The following TP73 variants were observed in gnomAD, a reference collection of about 807,000 sequenced individuals.
The protein encoded by TP73 is p53-like transcription factor.
A neutral mutation model predicts 62.5 loss-of-function variants in TP73; 25 were observed. The ratio of observed to expected loss-of-function variants is 0.40; its 90% confidence interval spans 0.29 to 0.56. TP73 has a LOEUF of 0.56. Among genes scored for constraint, TP73 ranks in the 20% least tolerant of loss-of-function variants. The pLI is 0.46. For missense variants in TP73, 754 were observed against 913.3 expected, an observed-to-expected ratio of 0.83 and a Z score of 2.25; for synonymous variants, 423 against 377.5, an observed-to-expected ratio of 1.12 and a Z score of -1.40.
chr1:3,682,403 C>A lies in TP73; in HGVS notation c.38C>A (p.Thr13Asn), dbSNP rs1413658294. The A allele has an allele frequency of 6.4e-7, 1 of 1,565,384 alleles. No homozygotes were observed. Among genetic ancestry groups the A allele is most frequent in the Non-Finnish European group, 8.7e-7 (1 of 1,152,534 alleles). The change falls in exon 2 of 14, where the codon ACC (threonine) becomes AAC (asparagine). Residue 13 changes from threonine (T) to asparagine (N), a missense_variant. Physicochemically the swap from Thr to Asn is moderately conservative, Grantham distance 65. Around this residue, in one of 3 missense-constraint regions of TP73, gnomAD observed 235 missense variants for 251.4 expected, o/e 0.93. Transcript: ENST00000378295. ...ACCGCCACCTCCCCTGATGGGGGCA[C>A]CACGTTTGAGCACCTCTGGAGCTCT... ...QSTATSPDGG[T>N]TFEHLWSSLE...
chr1:3,701,922 C>T lies in TP73; in HGVS notation c.187-5627C>T, dbSNP rs2124350797. On this transcript the variant is annotated intron_variant, in intron 3 of 13. Transcript: ENST00000378295. The surrounding 1 kb of genome is among the most constrained non-coding windows in gnomAD (Gnocchi z 4.7). Reference sequence around the variant, plus strand: ...TGAGACTTGGCCCCAGGACTCCTGACCTCAGAGCCCTGCTTGGCCCCCCAG... The same window carrying T: ...TGAGACTTGGCCCCAGGACTCCTGATCTCAGAGCCCTGCTTGGCCCCCCAG... Among the ~76,000 whole-genome samples, 1 of 152,314 alleles carries T rather than the reference C, an allele frequency of 6.6e-6. No individual in the cohort carries two copies. Among genetic ancestry groups the T allele is most frequent in the Middle Eastern group, 3.4e-3 (1 of 294 alleles).
chr1:3,721,874 T>G (rs1351610700), intron 4 of TP73, 147 bp from the exon 5 acceptor site: 4 of 802,906 alleles, frequency 5.0e-6, no homozygotes, highest in Non-Finnish European at 7.7e-6. Flanking sequence ...CTGGAGGGAT[T>G]CAGCAGAGGG....
intron 3 of TP73, among the ~76,000 whole-genome samples, chr1:3,707,250 TC>T (rs1359260946): frequency 1.3e-5 from 2 of 152,012 alleles, no homozygotes; most frequent in Non-Finnish European, 2.9e-5. Flanking sequence ...CCTGGGAGCC[TC>T]CCCCACCCGA....
chr1:3,732,776 G>A lies in TP73; in HGVS notation c.1608G>A (p.Gln536=), dbSNP rs981647907. The A allele has an allele frequency of 4.4e-6, 7 of 1,596,544 alleles. No homozygotes were observed. In the African/African-American group the frequency reaches 8.0e-5, roughly 18 times the overall value. Residue 536 remains glutamine (Q), a synonymous_variant, in exon 14 of 14, where the codon CAG becomes CAA. Coordinates refer to ENST00000378295, the MANE Select transcript of TP73 (RefSeq NM_005427.4). ...TGGGGGCCCTGAAGATCCCCGAGCA[G>A]TACCGCATGACCATCTGGCGGGGCC... ...EDLGALKIPE[Q]YRMTIWRGLQ...
chr1:3,718,129 C>T (rs1023122566), intron 4 of TP73, among the ~76,000 whole-genome samples: 1 of 152,214 alleles, frequency 6.6e-6, no homozygotes, highest in Non-Finnish European at 1.5e-5. Context: ...CCAGTCCGAG[C>T]CCCCACTTCC....
intron 4 of TP73, among the ~76,000 whole-genome samples, chr1:3,717,857 G>A (rs571523957): frequency 6.6e-6 from 1 of 152,348 alleles, no homozygotes; most frequent in East Asian, 1.9e-4. Context: ...CTCCGGCCCG[G>A]CTGGGCACCT....
intron 3 of TP73, among the ~76,000 whole-genome samples, chr1:3,695,509 G>A (rs943221979): frequency 1.3e-5 from 2 of 152,204 alleles, no homozygotes; most frequent in Admixed American, 6.5e-5. Flanking sequence ...CATGCGTTGC[G>A]GGAACGTGGC....
chr1:3,707,894 T>C (rs1639806951), intron 4 of TP73, 103 bp downstream of exon 4: 1 of 1,480,994 alleles, frequency 6.8e-7, no homozygotes, highest in Non-Finnish European at 9.0e-7. Flanking sequence ...CGCCCCACTG[T>C]CTGCTCGGGG....
chr1:3,726,624 G>A (rs1641643723), intron 6 of TP73, among the ~76,000 whole-genome samples: 1 of 145,206 alleles, frequency 6.9e-6, no homozygotes, highest in African/African-American at 2.6e-5. Context: ...GGATAGACGG[G>A]TGGGTGGATG....
intron 3 of TP73, among the ~76,000 whole-genome samples, chr1:3,688,705 G>A (rs1344942133): frequency 6.6e-6 from 1 of 152,236 alleles, no homozygotes; most frequent in African/African-American, 2.4e-5. Context: ...CTGGGGCAGA[G>A]GCCAGTGGTT....
intron 4 of TP73, among the ~76,000 whole-genome samples, chr1:3,721,626 G>A (rs750204551): frequency 2.6e-5 from 4 of 152,218 alleles, no homozygotes; most frequent in Admixed American, 6.5e-5. Flanking sequence ...TCAAAATGCC[G>A]CAGTCAGGGA....
rs542407265 is a variant in TP73 at position 3,733,087 on chromosome 1, G to A, written c.*8G>A. The A allele has an allele frequency of 1.1e-4, 162 of 1,524,702 alleles. No individual in the cohort carries two copies. The South Asian group carries it at 1.5e-3, about 14-fold the overall frequency. 94.4% of individuals were successfully genotyped at this position (1,524,702 alleles called of 1,614,324 possible). A position where few individuals can be genotyped will look rare whatever the true frequency, so the allele number is the denominator to read the frequency against. ...GAGGCCGAGATCCACTGAGGGCCTCGCCTGGCTGCAGCCTGCGCCACCGCC... is the reference window on the plus strand; with the variant it reads ...GAGGCCGAGATCCACTGAGGGCCTCACCTGGCTGCAGCCTGCGCCACCGCC... On this transcript the variant is annotated 3_prime_UTR_variant, in exon 14 of 14. Transcript: ENST00000378295.
chr1:3,731,958 G>A (rs1451843274), intron 13 of TP73, among the ~76,000 whole-genome samples: 2 of 152,258 alleles, frequency 1.3e-5, no homozygotes. Flanking sequence ...ACCTAGGGAA[G>A]GCAAGCACCT....
chr1:3,680,511 A>T (rs1645494796), intron 1 of TP73, among the ~76,000 whole-genome samples: 1 of 152,072 alleles, frequency 6.6e-6, no homozygotes, highest in Admixed American at 6.5e-5. Context: ...ATCTAAGGGA[A>T]TTTCTTTCCT....
chr1:3,665,348 C>G (rs1645087199), intron 1 of TP73, among the ~76,000 whole-genome samples: 1 of 152,092 alleles, frequency 6.6e-6, no homozygotes, highest in African/African-American at 2.4e-5. Context: ...TATTGGTAAA[C>G]AGGATGCTAA....
chr1:3,676,088 G>A (rs1471180048), intron 1 of TP73, among the ~76,000 whole-genome samples: 1 of 150,384 alleles, frequency 6.6e-6, no homozygotes, highest in Non-Finnish European at 1.5e-5. Flanking sequence ...GGGGACAAGA[G>A]ATAGGGAGAG....
At chr1:3,684,316 G>C (rs928411777) in intron 3 of TP73, among the ~76,000 whole-genome samples, 15 of 152,242 alleles carry the variant, frequency 9.9e-5, no homozygotes, top group Non-Finnish European at 1.9e-4. Context: ...GGAACAGCGC[G>C]TCTGGGGCAG....
Position 3,696,146 on chromosome 1 carries a change from G to A in TP73, c.187-11403G>A, listed in dbSNP as rs1177774782. 2.6e-5 allele frequency among the ~76,000 whole-genome samples: 4 copies of A among 152,194 alleles called. No homozygotes were observed. Among genetic ancestry groups the A allele is most frequent in the Non-Finnish European group, 4.4e-5 (3 of 68,030 alleles). ...CCAGTGGTCCTGGGGCCTGAAAAGT[G>A]TGACCACCTGGTGGCTCAGTCCTGT... On this transcript the variant is annotated intron_variant, in intron 3 of 13. Transcript: ENST00000378295. The surrounding 1 kb of genome is among the most constrained non-coding windows in gnomAD (Gnocchi z 4.1).
At position 3,670,415 on chromosome 1, in the gene TP73, A is replaced by C. The variant is rs1209735698; in HGVS notation, c.-33-11918A>C. ...CGTGGTGGCTCACATCTGTAATCCC[A>C]GCACTCTGGGAGGCTGAGGCGGGTG... On this transcript the variant is annotated intron_variant, in intron 1 of 13. Coordinates refer to ENST00000378295, the MANE Select transcript of TP73 (RefSeq NM_005427.4). The surrounding 1 kb of genome is among the most constrained non-coding windows in gnomAD (Gnocchi z 5.9). 6.6e-6 allele frequency among the ~76,000 whole-genome samples: 1 copy of C among 152,150 alleles called. No individual in the cohort carries two copies. Among genetic ancestry groups the C allele is most frequent in the Non-Finnish European group, 1.5e-5 (1 of 68,028 alleles).
Sources: gnomAD v4.1 joint callset for allele counts (sites outside exome capture counted in the v4.1 genomes callset) on GRCh38, gnomAD v4.1.1 for gene constraint, gnomAD v4.1.1 regional missense constraint, Gnocchi (gnomAD v3.1) non-coding constraint, MANE v1.5 for transcripts, NCBI Gene and HGNC (gene_info 2026-07-23, HGNC 2026-07-21) for gene names.